The following BDH2 variants were observed in gnomAD, a reference collection of about 807,000 sequenced individuals.
BDH2 encodes the protein 3-hydroxybutyrate dehydrogenase 2.
BDH2 carries 24 observed loss-of-function variants against 33.2 expected under a neutral mutation model. That is an observed-to-expected ratio of 0.72 (90% confidence interval 0.52 to 1.02). The LOEUF is 1.02. Ranked by LOEUF, BDH2 falls within the 50% of genes least tolerant of loss-of-function variation. The pLI is 0.00. For synonymous variants in BDH2, 81 were observed against 101.6 expected (o/e 0.80, Z 1.22); for missense variants, 249 against 301.6 (o/e 0.83, Z 1.29).
chr4:103,087,854 T>C (rs1193624125), intron 5 of BDH2, among the ~76,000 whole-genome samples: 1 of 152,220 alleles, frequency 6.6e-6, no homozygotes, highest in Non-Finnish European at 1.5e-5. Flanking sequence ...ATGACTTCTG[T>C]TGGGACGAGT....
At chr4:103,083,831 A>C (rs765982591) in intron 7 of BDH2, among the ~76,000 whole-genome samples, 3 of 152,034 alleles carry the variant, frequency 2.0e-5, no homozygotes, top group Non-Finnish European at 4.4e-5. Flanking sequence ...ATCATTTGCT[A>C]TTTTTTTCTG....
Position 103,078,119 on chromosome 4 carries a change from T to C in BDH2, c.*1583A>G, listed in dbSNP as rs926505948. 6.6e-6 allele frequency among the ~76,000 whole-genome samples: 1 copy of C among 152,198 alleles called. No individual in the cohort carries two copies. The highest frequency in any genetic ancestry group is 1.5e-5 in the Non-Finnish European group (1 of 68,030). ...TAAGAATCACTGCACATTTATTGAG[T>C]ATCTCAGTGTGCATCATACCATTTG... On this transcript the variant is annotated 3_prime_UTR_variant, in exon 10 of 10. Transcript: ENST00000296424.
At chr4:103,085,647 A>G (rs1747745103) in intron 6 of BDH2, 185 bp from the exon 7 acceptor site, 12 of 1,498,484 alleles carry the variant, frequency 8.0e-6, no homozygotes, top group Non-Finnish European at 1.1e-5. Context: ...TAGGGAAATA[A>G]TATCAGTATA....
intron 9 of BDH2, among the ~76,000 whole-genome samples, chr4:103,080,712 T>A (rs1298932903): frequency 6.6e-6 from 1 of 152,222 alleles, no homozygotes; most frequent in Non-Finnish European, 1.5e-5. Context: ...CCAAAGGTAC[T>A]TTTGTAGCAC....
intron 7 of BDH2, among the ~76,000 whole-genome samples, chr4:103,083,850 G>GGA (rs1262306196): frequency 6.6e-6 from 1 of 152,088 alleles, no homozygotes; most frequent in Non-Finnish European, 1.5e-5. Context: ...TGATGAAGCT[G>GGA]GAAATCTTCA....
At position 103,079,636 on chromosome 4, in the gene BDH2, C is replaced by T. The variant is rs547301904; in HGVS notation, c.*66G>A. On this transcript the variant is annotated 3_prime_UTR_variant, in exon 10 of 10. Coordinates refer to ENST00000296424, the MANE Select transcript of BDH2 (RefSeq NM_020139.4). The stretch of plus-strand genomic sequence containing the variant: ...AGGAAGGAGATGATTGGTGAGTTTT[C>T]TTCGTAACCAGGTTCACTGTGGATA... 1.8e-4 allele frequency: 271 copies of T among 1,503,552 alleles called. No individual in the cohort carries two copies. The Admixed American group carries it at 2.1e-3, about 12-fold the overall frequency. 93.1% of individuals were successfully genotyped at this position (1,503,552 alleles called of 1,614,324 possible).
intron 2 of BDH2, among the ~76,000 whole-genome samples, chr4:103,095,570 C>A (rs1023597883): frequency 6.6e-6 from 1 of 152,136 alleles, no homozygotes; most frequent in African/African-American, 2.4e-5. Context: ...TCAATACTCT[C>A]AAAATACTGC....
chr4:103,098,020 G>A (rs557935373), intron 1 of BDH2, among the ~76,000 whole-genome samples: 17 of 152,128 alleles, frequency 1.1e-4, no homozygotes, highest in African/African-American at 3.4e-4. Flanking sequence ...GGTCCACATG[G>A]TGAAGGGCAA....
intron 7 of BDH2, among the ~76,000 whole-genome samples, chr4:103,084,695 A>T (rs1175936302): frequency 6.6e-6 from 1 of 152,234 alleles, no homozygotes; most frequent in Non-Finnish European, 1.5e-5. Flanking sequence ...TCCAAGAAAA[A>T]TAAAACAGAA....
chr4:103,084,334 G>C (rs1341477595), intron 7 of BDH2, among the ~76,000 whole-genome samples: 2 of 152,172 alleles, frequency 1.3e-5, no homozygotes, highest in South Asian at 2.1e-4. Context: ...CCATGGCACA[G>C]ACATACTATG....
At chr4:103,088,255 A>G (rs1747894502) in intron 5 of BDH2, among the ~76,000 whole-genome samples, 3 of 152,226 alleles carry the variant, frequency 2.0e-5, no homozygotes, top group Admixed American at 2.0e-4. Flanking sequence ...TTCTTATCCA[A>G]TTTAGCAAAT....
In BDH2 at chr4:103,078,041, G is replaced by C. The variant is rs1435330655; in HGVS notation, c.*1661C>G. Among the ~76,000 whole-genome samples, 1 of 152,044 alleles carries C rather than the reference G, an allele frequency of 6.6e-6. No homozygotes were observed. Among genetic ancestry groups the C allele is most frequent in the African/African-American group, 2.4e-5 (1 of 41,388 alleles). On this transcript the variant is annotated 3_prime_UTR_variant, in exon 10 of 10. Transcript: ENST00000296424. ...CCCATACACAAAGTGTTATCTTTTT[G>C]TTGTCCATTTCAGAATTTTCCATGT... is the stretch of plus-strand genomic sequence containing the variant.
At chr4:103,088,850 G>A (rs1407801368) in intron 5 of BDH2, among the ~76,000 whole-genome samples, 1 of 152,154 alleles carries the variant, frequency 6.6e-6, no homozygotes, top group African/African-American at 2.4e-5. Flanking sequence ...TTTGACAAAT[G>A]TTTGTGGAGC....
intron 5 of BDH2, among the ~76,000 whole-genome samples, chr4:103,090,221 T>C (rs1748014234): frequency 6.6e-6 from 1 of 152,234 alleles, no homozygotes; most frequent in African/African-American, 2.4e-5. Context: ...CTACTACTGG[T>C]TTATAAGCTC....
chr4:103,085,291 T>C (rs1046048367), intron 7 of BDH2, 58 bp downstream of exon 7: 2 of 1,343,876 alleles, frequency 1.5e-6, no homozygotes, highest in Non-Finnish European at 2.1e-6. Context: ...CATAAGCAAA[T>C]TGGGTGTGGA....
At chr4:103,083,457 C>G (rs369071268) in intron 7 of BDH2, among the ~76,000 whole-genome samples, 5 of 152,266 alleles carry the variant, frequency 3.3e-5, no homozygotes, top group African/African-American at 9.6e-5. Flanking sequence ...ATCACCTTGC[C>G]TATTTTCATT....
intron 9 of BDH2, among the ~76,000 whole-genome samples, chr4:103,080,280 GATA>G (rs540220211): frequency 1.1e-4 from 16 of 152,096 alleles, no homozygotes; most frequent in East Asian, 5.8e-4. Context: ...TTACATGAAT[GATA>G]ATAACTATAA....
At chr4:103,085,550 C>A in intron 6 of BDH2, 88 bp from the exon 7 acceptor site, 3 of 1,426,230 alleles carry the variant, frequency 2.1e-6, no homozygotes, top group Admixed American at 4.1e-5. Context: ...TTCCCAGTAG[C>A]CATTTTCATG....
intron 9 of BDH2, among the ~76,000 whole-genome samples, chr4:103,080,030 T>C (rs1334795477): frequency 6.6e-6 from 1 of 152,196 alleles, no homozygotes; most frequent in African/African-American, 2.4e-5. Flanking sequence ...TAAGGAACAG[T>C]GATGTATAGC....
Sources: gnomAD v4.1 joint callset for allele counts (sites outside exome capture counted in the v4.1 genomes callset) on GRCh38, gnomAD v4.1.1 for gene constraint, MANE v1.5 for transcripts, NCBI Gene and HGNC (gene_info 2026-07-23, HGNC 2026-07-21) for gene names.